Variants in SHANK2 observed in about 807,000 individuals in gnomAD.
The protein encoded by SHANK2 is SH3 and multiple ankyrin repeat domains protein 2.
Under a neutral mutation model 133.7 loss-of-function variants are expected in SHANK2, and 43 were observed. The ratio of observed to expected loss-of-function variants is 0.32; its 90% confidence interval spans 0.25 to 0.41. The LOEUF (loss-of-function observed/expected upper bound fraction) is 0.41, where lower values mean the gene tolerates loss of function less well. SHANK2 is among the 10% of genes least tolerant of loss of function. The pLI is 1.00. For synonymous variants in SHANK2, 1,017 were observed against 952.8 expected (o/e 1.07, Z -1.24); for missense variants, 1,994 against 2,235.8 (o/e 0.89, Z 2.18).
At chr11:70,781,563 TATA>T (rs1555045172) in intron 14 of SHANK2, among the ~76,000 whole-genome samples, 2 of 108,078 alleles carry the variant, frequency 1.9e-5, no homozygotes, top group African/African-American at 6.9e-5. Context: ...ACTTATTATA[TATA>T]TATATATATA....
At chr11:70,760,043 T>C (rs1313154978) in intron 14 of SHANK2, among the ~76,000 whole-genome samples, 2 of 152,220 alleles carry the variant, frequency 1.3e-5, no homozygotes, top group African/African-American at 4.8e-5. Context: ...CAGAGGCTGC[T>C]CACTGAGCGG....
rs781966690 is a variant in SHANK2, at chr11:70,487,303, C to T, written c.2990G>A (p.Ser997Asn). The T allele has an allele frequency of 6.2e-7, 1 of 1,614,238 alleles. No homozygotes were observed. Among genetic ancestry groups the T allele is most frequent in the African/African-American group, 1.3e-5 (1 of 75,074 alleles). ...NPYSEVGKIASKAVYVPAKPA... is the reference protein window; with the variant it reads ...NPYSEVGKIANKAVYVPAKPA... ...CTTGGCGGGGACGTAGACGGCTTTG[C>T]TGGCGATCTTCCCCACCTCTGAGTA... The change falls in exon 25 of 26, where the codon AGC (serine) becomes AAC (asparagine). Residue 997 changes from serine (S) to asparagine (N), a missense_variant. Physicochemically the swap from Ser to Asn is conservative, Grantham distance 46. Coordinates refer to ENST00000601538, the MANE Select transcript of SHANK2 (RefSeq NM_012309.5). This position sits in a 1 kb window ranked among gnomAD's most constrained non-coding sequence, Gnocchi z 5.8.
intron 11 of SHANK2, chr11:70,826,412 TCAGCAAG>T: frequency 2.1e-6 from 1 of 469,640 alleles, no homozygotes; most frequent in Non-Finnish European, 4.4e-6. Context: ...ACCCCGAGAA[TCAGCAAG>T]CAGCTGCTAA....
At chr11:70,594,406 T>C (rs7948899) in intron 17 of SHANK2, among the ~76,000 whole-genome samples, 79,244 of 151,566 alleles carry the variant, frequency 0.52, 21,119 homozygotes, top group African/African-American at 0.64. Flanking sequence ...GGAACCCACG[T>C]ATATGAAAAG....
chr11:71,078,915 C>A (rs1199575230), intron 8 of SHANK2, among the ~76,000 whole-genome samples: 1 of 152,264 alleles, frequency 6.6e-6, no homozygotes, highest in Non-Finnish European at 1.5e-5. Flanking sequence ...CTGTTCACAG[C>A]TGCTTCAATA....
At chr11:71,164,923 C>G (rs1953107447) in intron 2 of SHANK2, among the ~76,000 whole-genome samples, 1 of 152,186 alleles carries the variant, frequency 6.6e-6, no homozygotes, top group Admixed American at 6.5e-5. Context: ...ATCCTGCCAT[C>G]ATCTGTAATG....
intron 15 of SHANK2, among the ~76,000 whole-genome samples, chr11:70,666,458 C>T (rs1441181051): frequency 2.0e-5 from 3 of 152,170 alleles, no homozygotes; most frequent in Admixed American, 1.3e-4. Flanking sequence ...GAGGCTCCTT[C>T]TGCTGGTTCA....
chr11:71,110,247 G>A (rs1317506729), intron 5 of SHANK2, among the ~76,000 whole-genome samples, 198 bp from the exon 6 acceptor site: 1 of 152,126 alleles, frequency 6.6e-6, no homozygotes, highest in African/African-American at 2.4e-5. Context: ...GACCATCCTG[G>A]CTAACACGGT....
intron 11 of SHANK2, among the ~76,000 whole-genome samples, chr11:70,875,008 G>C (rs553069395): frequency 1.3e-5 from 2 of 152,296 alleles, no homozygotes; most frequent in South Asian, 4.1e-4. Flanking sequence ...ACAGAATATG[G>C]TATTCACTAA....
intron 15 of SHANK2, among the ~76,000 whole-genome samples, chr11:70,694,428 A>G (rs1416745397): frequency 6.6e-6 from 1 of 152,192 alleles, no homozygotes; most frequent in African/African-American, 2.4e-5. Context: ...TGATTCAGAA[A>G]ATGTCTCCAC....
intron 17 of SHANK2, among the ~76,000 whole-genome samples, chr11:70,577,032 C>T (rs566512631): frequency 6.4e-4 from 98 of 152,308 alleles, no homozygotes; most frequent in Admixed American, 2.5e-3. Context: ...GCACCTGCCA[C>T]GGAGGCCACG....
chr11:70,840,983 C>G lies in SHANK2; in HGVS notation c.1175-20301G>C, dbSNP rs1010414733. Among the ~76,000 whole-genome samples the G allele has an allele frequency of 3.3e-5, 5 of 152,250 alleles. No homozygotes were observed. In the East Asian group the frequency reaches 9.7e-4, roughly 29 times the overall value. On this transcript the variant is annotated intron_variant, in intron 11 of 25. Coordinates refer to ENST00000601538, the MANE Select transcript of SHANK2 (RefSeq NM_012309.5). ...GGTGTATAAAACATATAGGAATAGG[C>G]CAGGCGTGGTGGCTCATGTCTGTAA...
intron 15 of SHANK2, among the ~76,000 whole-genome samples, chr11:70,669,903 C>T (rs933195603): frequency 6.6e-6 from 1 of 152,192 alleles, no homozygotes; most frequent in Non-Finnish European, 1.5e-5. Context: ...GTATCACTCA[C>T]GGCCAAACAA....
At chr11:70,871,989 C>G (rs1012303595) in intron 11 of SHANK2, among the ~76,000 whole-genome samples, 2 of 152,160 alleles carry the variant, frequency 1.3e-5, no homozygotes, top group Non-Finnish European at 2.9e-5. Flanking sequence ...TACAGCCCCA[C>G]GACGACATCC....
At chr11:70,531,589 G>C (rs2059472129) in intron 17 of SHANK2, among the ~76,000 whole-genome samples, 2 of 152,226 alleles carry the variant, frequency 1.3e-5, no homozygotes, top group South Asian at 4.1e-4. Context: ...GACAAGTCTA[G>C]GGCTAAGGTC....
intron 11 of SHANK2, chr11:70,864,888 T>TG (rs1949328211): frequency 1.3e-5 from 2 of 152,278 alleles, no homozygotes; most frequent in African/African-American, 4.8e-5. Context: ...TAGCCAGGTA[T>TG]GGTGGTGCAC....
At chr11:71,100,241 CAA>C (rs1236563694) in intron 6 of SHANK2, among the ~76,000 whole-genome samples, 1 of 152,150 alleles carries the variant, frequency 6.6e-6, no homozygotes, top group Non-Finnish European at 1.5e-5. Flanking sequence ...ACTTACTCCA[CAA>C]TCCAGCAACC....
intron 11 of SHANK2, among the ~76,000 whole-genome samples, chr11:70,890,608 T>C (rs1949825632): frequency 6.6e-6 from 1 of 151,826 alleles, no homozygotes; most frequent in Non-Finnish European, 1.5e-5. Flanking sequence ...GAGACCAGCC[T>C]GACCATCATG....
At chr11:70,866,266 C>G (rs1400374185) in intron 11 of SHANK2, among the ~76,000 whole-genome samples, 2 of 152,056 alleles carry the variant, frequency 1.3e-5, no homozygotes, top group Non-Finnish European at 2.9e-5. Flanking sequence ...GAGAGTGCAG[C>G]TCAGAGGAGC....
Sources: allele counts gnomAD v4.1 joint callset (sites outside exome capture counted in the v4.1 genomes callset), GRCh38; gene constraint gnomAD v4.1.1; non-coding constraint Gnocchi (gnomAD v3.1); transcripts MANE v1.5; gene names NCBI Gene and HGNC (gene_info 2026-07-23, HGNC 2026-07-21).